Variants in PDPK1 observed in about 807,000 individuals in gnomAD.
The protein encoded by PDPK1 is 3-phosphoinositide-dependent protein kinase 1.
In PDPK1, 7 loss-of-function variants were observed where a neutral mutation model predicts 39.8. The observed-to-expected ratio is 0.18, with a 90% CI of 0.10 to 0.33. PDPK1 has a LOEUF of 0.33. Among genes scored for constraint, PDPK1 ranks in the 10% least tolerant of loss-of-function variants. PDPK1 has a pLI of 1.00. For missense variants in PDPK1, 182 were observed against 384.7 expected, an observed-to-expected ratio of 0.47 and a Z score of 4.41; for synonymous variants, 118 against 159.1, an observed-to-expected ratio of 0.74 and a Z score of 1.95.
In PDPK1 at chr16:2,538,075, A is replaced by G. The variant is rs2066169446; in HGVS notation, c.-38A>G. On this transcript the variant is annotated 5_prime_UTR_variant, in exon 1 of 14. Transcript: ENST00000342085. ...ACGCTGAGGAGGCGCCGAGCCGCGC[A>G]GCGCTGCGGGGGAGGCGCCCGCGCC... is the stretch of plus-strand genomic sequence containing the variant. 79 of 972,428 alleles carry G rather than the reference A, an allele frequency of 8.1e-5. No individual in the cohort carries two copies. The highest frequency in any genetic ancestry group is 9.6e-5 in the Non-Finnish European group (78 of 809,670). The allele number at this position is 972,428 out of a possible 1,614,324, so 60.2% of individuals were successfully genotyped here. A position where few individuals can be genotyped will look rare whatever the true frequency, so the allele number is the denominator to read the frequency against.
chr16:2,545,428 G>C (rs1226970537), intron 1 of PDPK1, among the ~76,000 whole-genome samples: 1 of 151,582 alleles, frequency 6.6e-6, no homozygotes, highest in South Asian at 2.1e-4. Flanking sequence ...AACTCCCTTG[G>C]GCTCAAGCCA....
At chr16:2,543,786 A>T (rs1204142143) in intron 1 of PDPK1, among the ~76,000 whole-genome samples, 2 of 152,066 alleles carry the variant, frequency 1.3e-5, no homozygotes, top group East Asian at 3.9e-4. Flanking sequence ...CAGTGGCACG[A>T]TCTCGGCTCA....
At chr16:2,590,087 G>C (rs1399388038) in intron 11 of PDPK1, among the ~76,000 whole-genome samples, 1 of 152,200 alleles carries the variant, frequency 6.6e-6, no homozygotes, top group African/African-American at 2.4e-5. Context: ...TGGACCTGTC[G>C]CTTGGCCTGT....
chr16:2,546,153 G>T lies in PDPK1; in HGVS notation c.24+8017G>T, dbSNP rs1215598334. On this transcript the variant is annotated intron_variant, in intron 1 of 13. Coordinates refer to ENST00000342085, the MANE Select transcript of PDPK1 (RefSeq NM_002613.5). ...GGCTGGAGTGCAGTGGCGCGATCTCGGCTCACTGCAACCTCTGCCACCCGG... is the reference window on the plus strand; with the variant it reads ...GGCTGGAGTGCAGTGGCGCGATCTCTGCTCACTGCAACCTCTGCCACCCGG... 2.6e-5 allele frequency among the ~76,000 whole-genome samples: 4 copies of T among 151,828 alleles called. No homozygotes were observed. In the South Asian group the frequency reaches 8.4e-4, roughly 32 times the overall value.
intron 1 of PDPK1, among the ~76,000 whole-genome samples, chr16:2,540,873 C>G (rs1200758051): frequency 6.6e-6 from 1 of 152,212 alleles, no homozygotes; most frequent in Non-Finnish European, 1.5e-5. Context: ...GGCCTCCTGC[C>G]CTCCCTAGGG....
Position 2,603,119 on chromosome 16 carries a change from G to C in PDPK1, c.*5352G>C, listed in dbSNP as rs185318792. ...TTTTTTCCAAATACTTGTGCTTTAG[G>C]TGTAGTTACCAGATGATGAATTTTC... On this transcript the variant is annotated 3_prime_UTR_variant, in exon 14 of 14. Transcript: ENST00000342085. 4.4e-6 allele frequency: 1 copy of C among 225,068 alleles called. No individual in the cohort carries two copies. Among genetic ancestry groups the C allele is most frequent in the Non-Finnish European group, 8.8e-6 (1 of 113,272 alleles). 13.9% of individuals were successfully genotyped at this position (225,068 alleles called of 1,614,324 possible). A position where few individuals can be genotyped will look rare whatever the true frequency, so the allele number is the denominator to read the frequency against.
chr16:2,586,379 G>A (rs2066874930), intron 10 of PDPK1, among the ~76,000 whole-genome samples: 2 of 152,340 alleles, frequency 1.3e-5, no homozygotes, highest in South Asian at 2.1e-4. Context: ...TGGCATTCAC[G>A]GGGCCCGCAG....
At chr16:2,543,659 T>A (rs1428530197) in intron 1 of PDPK1, among the ~76,000 whole-genome samples, 1 of 151,970 alleles carries the variant, frequency 6.6e-6, no homozygotes, top group African/African-American at 2.4e-5. Flanking sequence ...CTAGAGAAAT[T>A]TCCCTACATG....
intron 11 of PDPK1, among the ~76,000 whole-genome samples, chr16:2,587,272 C>T (rs2066896557): frequency 6.6e-6 from 1 of 152,072 alleles, no homozygotes. Context: ...AAGGTGAGTG[C>T]CAGGGGCAGT....
intron 1 of PDPK1, among the ~76,000 whole-genome samples, chr16:2,543,886 T>TA (rs1358108192): frequency 1.3e-5 from 1 of 77,526 alleles, no homozygotes; most frequent in Non-Finnish European, 2.7e-5. Context: ...CGCACCCGGC[T>TA]AATTTTTTTT....
intron 1 of PDPK1, among the ~76,000 whole-genome samples, chr16:2,540,705 GCCT>G (rs1430314823): frequency 1.3e-5 from 2 of 152,184 alleles, no homozygotes; most frequent in African/African-American, 4.8e-5. Context: ...GCCTGTTTCA[GCCT>G]CCTGCTGTCA....
rs375244767 is a variant in PDPK1, at chr16:2,595,296, G to C, written c.1344-497G>C. 3.3e-5 allele frequency among the ~76,000 whole-genome samples: 5 copies of C among 152,338 alleles called. No homozygotes were observed. In the East Asian group the frequency reaches 7.7e-4, roughly 23 times the overall value. ...GAGGAGATGTTCTTACGTCCAACTTGGGTCTGTCAGAGCTTTGTGATTATA... is the reference window on the plus strand; with the variant it reads ...GAGGAGATGTTCTTACGTCCAACTTCGGTCTGTCAGAGCTTTGTGATTATA... On this transcript the variant is annotated intron_variant, in intron 11 of 13. Transcript: ENST00000342085.
rs1045351459 is a variant in PDPK1, at chr16:2,597,983, G to T, written c.*216G>T. On this transcript the variant is annotated 3_prime_UTR_variant, in exon 14 of 14. Coordinates refer to ENST00000342085, the MANE Select transcript of PDPK1 (RefSeq NM_002613.5). This position sits in a 1 kb window ranked among gnomAD's most constrained non-coding sequence, Gnocchi z 6.3. ...AACAAACACAAAGGAATTCAGGGTC[G>T]CTTTGCTTGCTCTCTGTGCTCCGTG... The T allele has an allele frequency of 1.1e-5, 6 of 567,912 alleles. No individual in the cohort carries two copies. Among genetic ancestry groups the T allele is most frequent in the African/African-American group, 1.9e-5 (1 of 53,326 alleles). 35.2% of individuals were successfully genotyped at this position (567,912 alleles called of 1,614,324 possible).
intron 7 of PDPK1, among the ~76,000 whole-genome samples, chr16:2,577,801 C>G (rs1404491651): frequency 6.7e-6 from 1 of 149,294 alleles, no homozygotes; most frequent in Non-Finnish European, 1.5e-5. Context: ...TGCAGTGGCA[C>G]CATCTCTGCT....
At position 2,586,662 on chromosome 16, in the gene PDPK1, C is replaced by G. The variant is rs752394496; in HGVS notation, c.1126-14C>G. On this transcript the variant is annotated splice_polypyrimidine_tract_variant and intron_variant, in intron 10 of 13. Coordinates refer to ENST00000342085, the MANE Select transcript of PDPK1 (RefSeq NM_002613.5). ...AGTGAAGGTGCGGTTCTCACTTTCC[C>G]TTCTTCTCTGCAGTATGACAATCTC... The G allele has an allele frequency of 3.7e-6, 6 of 1,612,518 alleles. No homozygotes were observed. The Admixed American group carries it at 8.3e-5, about 22-fold the overall frequency.
At chr16:2,544,568 A>G (rs751153272) in intron 1 of PDPK1, among the ~76,000 whole-genome samples, 28 of 151,950 alleles carry the variant, frequency 1.8e-4, no homozygotes, top group Non-Finnish European at 2.5e-4. Flanking sequence ...GCTTGTATAC[A>G]TTACCCCCTC....
rs1479318873 is a variant in PDPK1, at chr16:2,600,148, C to T, written c.*2381C>T. 2 of 233,118 alleles carry T rather than the reference C, an allele frequency of 8.6e-6. No homozygotes were observed. Among genetic ancestry groups the T allele is most frequent in the Admixed American group, 5.6e-5 (1 of 17,786 alleles). The allele number at this position is 233,118 out of a possible 1,614,324, so 14.4% of individuals were successfully genotyped here. A position where few individuals can be genotyped will look rare whatever the true frequency, so the allele number is the denominator to read the frequency against. ...GGTTTTCTCTACCACATCCTTAGAG[C>T]CATCACCTGGCACGCAGGCGCCTTA... On this transcript the variant is annotated 3_prime_UTR_variant, in exon 14 of 14. Transcript: ENST00000342085.
At chr16:2,591,670 G>A (rs2066992712) in intron 11 of PDPK1, among the ~76,000 whole-genome samples, 2 of 152,254 alleles carry the variant, frequency 1.3e-5, no homozygotes, top group South Asian at 4.1e-4. Context: ...TCTCAGCAGA[G>A]TATGGGCGCA....
intron 1 of PDPK1, chr16:2,538,427 G>T (rs942901114): frequency 1.5e-4 from 63 of 409,040 alleles, no homozygotes; most frequent in East Asian, 5.8e-4. Context: ...GGGTGGAAGT[G>T]CCTGGAAAGT....
Sources: allele counts gnomAD v4.1 joint callset (sites outside exome capture counted in the v4.1 genomes callset), GRCh38; gene constraint gnomAD v4.1.1; non-coding constraint Gnocchi (gnomAD v3.1); transcripts MANE v1.5; gene names NCBI Gene and HGNC (gene_info 2026-07-23, HGNC 2026-07-21).